SH3RF1: variants seen among roughly 807,000 people sequenced by gnomAD.
SH3RF1 encodes the protein SH3 domain containing ring finger 1, also known as E3 ubiquitin-protein ligase SH3RF1.
Under a neutral mutation model 74.0 loss-of-function variants are expected in SH3RF1, and 32 were observed. That is an observed-to-expected ratio of 0.43 (90% CI 0.33 to 0.58). The LOEUF is 0.58. Among genes scored for constraint, SH3RF1 ranks in the 20% least tolerant of loss-of-function variants. SH3RF1 has a pLI of 0.05. For synonymous variants in SH3RF1, 396 were observed against 439.6 expected (o/e 0.90, Z 1.24); for missense variants, 954 against 1,130.9 (o/e 0.84, Z 2.24).
chr4:169,222,658 G>A (rs971518227), intron 2 of SH3RF1, among the ~76,000 whole-genome samples: 3 of 151,906 alleles, frequency 2.0e-5, no homozygotes, highest in African/African-American at 7.2e-5. Flanking sequence ...TTCAATAAAA[G>A]TGGAATAGTA....
chr4:169,160,419 G>A (rs185672040), intron 2 of SH3RF1, among the ~76,000 whole-genome samples: 2 of 152,302 alleles, frequency 1.3e-5, no homozygotes, highest in Admixed American at 1.3e-4. Flanking sequence ...CCAGTGGCAA[G>A]GAGAAAGCTT....
rs60740517 is a variant in SH3RF1, at chr4:169,103,086, ATTTTTTTTTTTTTT to A, written c.2498+3747_2498+3760del. ...CAGGTGCCCGCCACCGCGCCTGGCT[ATTTTTTTTTTTTTT>A]TTTTTTTTTGTATTTTTAGTAGAGA... is the stretch of plus-strand genomic sequence containing the variant. On this transcript the variant is annotated intron_variant, in intron 11 of 11. Coordinates refer to ENST00000284637, the MANE Select transcript of SH3RF1 (RefSeq NM_020870.4). Among the ~76,000 whole-genome samples, 3 of 87,074 alleles carry A rather than the reference ATTTTTTTTTTTTTT, an allele frequency of 3.4e-5. No homozygotes were observed. In the East Asian group the frequency reaches 1.0e-3, roughly 29 times the overall value. 57.1% of individuals were successfully genotyped at this position (87,074 alleles called of 152,430 possible).
chr4:169,173,594 T>A (rs1042415607), intron 2 of SH3RF1, among the ~76,000 whole-genome samples: 5 of 152,198 alleles, frequency 3.3e-5, no homozygotes. Flanking sequence ...GAGGAGCTGG[T>A]GATCCTGAGG....
intron 2 of SH3RF1, among the ~76,000 whole-genome samples, chr4:169,194,985 C>T (rs903643034): frequency 1.3e-5 from 2 of 152,150 alleles, no homozygotes; most frequent in Non-Finnish European, 2.9e-5. Context: ...TTTGTATGGT[C>T]ATTAGGTATT....
rs1312237688 is a variant in SH3RF1 at position 169,243,244 on chromosome 4, T to C, written c.393+25576A>G. On this transcript the variant is annotated intron_variant, in intron 2 of 11. Coordinates refer to ENST00000284637, the MANE Select transcript of SH3RF1 (RefSeq NM_020870.4). ...ACTGAAAAGCTCACTTGCTCTAAGGTATAATTTAAAATTAGAACTGAACTT... is the reference window on the plus strand; with the variant it reads ...ACTGAAAAGCTCACTTGCTCTAAGGCATAATTTAAAATTAGAACTGAACTT... Among the ~76,000 whole-genome samples the C allele has an allele frequency of 2.0e-5, 3 of 152,208 alleles. No individual in the cohort carries two copies. In the East Asian group the frequency reaches 5.8e-4, roughly 29 times the overall value.
chr4:169,149,261 T>A (rs927860750), intron 4 of SH3RF1, among the ~76,000 whole-genome samples: 7 of 152,234 alleles, frequency 4.6e-5, no homozygotes, highest in Non-Finnish European at 1.0e-4. Context: ...CCTTTTTAGA[T>A]TGAGTCTTTA....
chr4:169,194,819 A>T (rs4692698), intron 2 of SH3RF1, among the ~76,000 whole-genome samples: 98,955 of 152,046 alleles, frequency 0.65, 32,238 homozygotes, highest in East Asian at 0.78. Flanking sequence ...CAGCTGCATG[A>T]TCCTGCTGCC....
At chr4:169,173,195 A>G (rs1482182689) in intron 2 of SH3RF1, among the ~76,000 whole-genome samples, 3 of 152,148 alleles carry the variant, frequency 2.0e-5, no homozygotes, top group Non-Finnish European at 4.4e-5. Flanking sequence ...TCAACTTTTA[A>G]AAGAAAAGAA....
chr4:169,252,107 T>C (rs370468990), intron 2 of SH3RF1, among the ~76,000 whole-genome samples: 4 of 152,212 alleles, frequency 2.6e-5, no homozygotes, highest in East Asian at 1.9e-4. Flanking sequence ...TTCACTCTTG[T>C]TTCAGGTTGC....
chr4:169,138,070 T>C (rs374206465), intron 4 of SH3RF1, among the ~76,000 whole-genome samples: 4 of 152,316 alleles, frequency 2.6e-5, no homozygotes, highest in South Asian at 2.1e-4. Context: ...TCTTCCGATA[T>C]GTGTTTAGGG....
At chr4:169,181,452 G>A (rs1023839383) in intron 2 of SH3RF1, among the ~76,000 whole-genome samples, 5 of 151,560 alleles carry the variant, frequency 3.3e-5, no homozygotes, top group African/African-American at 4.9e-5. Flanking sequence ...TTGTAGAGAC[G>A]GGGTTTCACC....
intron 2 of SH3RF1, among the ~76,000 whole-genome samples, chr4:169,208,149 GTTT>G (rs5863986): frequency 6.8e-6 from 1 of 146,480 alleles, no homozygotes. Context: ...AAGTCCTCAA[GTTT>G]TTTTTTTTTT....
At chr4:169,129,618 A>G (rs576672159) in intron 6 of SH3RF1, among the ~76,000 whole-genome samples, 1 of 152,326 alleles carries the variant, frequency 6.6e-6, no homozygotes, top group African/African-American at 2.4e-5. Flanking sequence ...TAAATAATGA[A>G]TCTTTAATGT....
At chr4:169,186,081 G>A (rs542815712) in intron 2 of SH3RF1, among the ~76,000 whole-genome samples, 1 of 152,270 alleles carries the variant, frequency 6.6e-6, no homozygotes, top group East Asian at 1.9e-4. Flanking sequence ...AGGAAAGAGT[G>A]TCACCTAGAT....
At chr4:169,197,639 AGC>A (rs1734837840) in intron 2 of SH3RF1, among the ~76,000 whole-genome samples, 4 of 150,994 alleles carry the variant, frequency 2.6e-5, no homozygotes, top group Non-Finnish European at 3.0e-5. Flanking sequence ...AAAAAAAAAA[AGC>A]CCACCTTAGA....
At chr4:169,127,383 T>C (rs1178484017) in intron 6 of SH3RF1, among the ~76,000 whole-genome samples, 1 of 152,242 alleles carries the variant, frequency 6.6e-6, no homozygotes, top group Non-Finnish European at 1.5e-5. Flanking sequence ...CTGTGTGCCA[T>C]TGCTGTTAAT....
At chr4:169,128,075 A>G (rs1239424668) in intron 6 of SH3RF1, among the ~76,000 whole-genome samples, 2 of 152,218 alleles carry the variant, frequency 1.3e-5, no homozygotes, top group Non-Finnish European at 2.9e-5. Context: ...TGCTTAACCT[A>G]TAATTAAATT....
chr4:169,268,802 C>A lies in SH3RF1; in HGVS notation c.393+18G>T. On this transcript the variant is annotated intron_variant, in intron 2 of 11. Coordinates refer to ENST00000284637, the MANE Select transcript of SH3RF1 (RefSeq NM_020870.4). ...ATTACCACCTTTATTCACCAAACTA[C>A]CTCTGTAGGCTACTTACCCTCACTG... 1 of 1,543,002 alleles carries A rather than the reference C, an allele frequency of 6.5e-7. No individual in the cohort carries two copies. The highest frequency in any genetic ancestry group is 8.7e-7 in the Non-Finnish European group (1 of 1,149,376).
chr4:169,269,465 T>G (rs906237734), intron 1 of SH3RF1, among the ~76,000 whole-genome samples, 158 bp from the exon 2 acceptor site: 6 of 152,148 alleles, frequency 3.9e-5, no homozygotes. Flanking sequence ...AACTCCAAAG[T>G]CAACAACTGA....
Sources: allele counts gnomAD v4.1 joint callset (sites outside exome capture counted in the v4.1 genomes callset), GRCh38; gene constraint gnomAD v4.1.1; transcripts MANE v1.5; gene names NCBI Gene and HGNC (gene_info 2026-07-23, HGNC 2026-07-21).